The following DCBLD2 variants were observed in gnomAD, a reference collection of about 807,000 sequenced individuals.
DCBLD2 encodes discoidin, CUB and LCCL domain-containing protein 2.
Under a neutral mutation model 86.8 loss-of-function variants are expected in DCBLD2, and 54 were observed. The ratio of observed to expected loss-of-function variants is 0.62; its 90% confidence interval spans 0.50 to 0.78. The LOEUF (loss-of-function observed/expected upper bound fraction) is 0.78, where lower values mean the gene tolerates loss of function less well. Ranked by LOEUF, DCBLD2 falls within the 30% of genes least tolerant of loss-of-function variation. The pLI is 0.00. For synonymous variants in DCBLD2, 354 were observed against 341.3 expected (o/e 1.04, Z -0.41); for missense variants, 908 against 954.2 (o/e 0.95, Z 0.64).
intron 2 of DCBLD2, among the ~76,000 whole-genome samples, chr3:98,862,511 T>C (rs1943062382): frequency 1.3e-5 from 2 of 152,050 alleles, no homozygotes; most frequent in Non-Finnish European, 2.9e-5. Flanking sequence ...CATCAAAAAG[T>C]TTATCCACCA....
rs372560910 is a variant in DCBLD2, at chr3:98,901,312, C to A, written c.15G>T (p.Ala5=). 2.8e-6 allele frequency: 4 copies of A among 1,419,972 alleles called. No individual in the cohort carries two copies. Among genetic ancestry groups the A allele is most frequent in the African/African-American group, 1.5e-5 (1 of 66,232 alleles). 88.0% of individuals were successfully genotyped at this position (1,419,972 alleles called of 1,614,324 possible). Residue 5 remains alanine, a synonymous_variant, in exon 1 of 16, where the codon GCG becomes GCT. Transcript: ENST00000326840. ...GCGGGCAGCGCCTGGCTCTCACCAC[C>A]GCCCGGCTCGCCATCGCGGCGGCCG... is the stretch of plus-strand genomic sequence containing the variant. MASR[A]VVRARRCPQC...
At chr3:98,869,108 G>A (rs891775251) in intron 2 of DCBLD2, among the ~76,000 whole-genome samples, 15 of 151,950 alleles carry the variant, frequency 9.9e-5, no homozygotes, top group Non-Finnish European at 1.6e-4. Flanking sequence ...CCCTGTCTGC[G>A]CCAACATCTA....
rs1480904018 is a variant in DCBLD2 at position 98,901,252 on chromosome 3, G to C, written c.75C>G (p.Pro25=). The change falls in exon 1 of 16, where the codon CCC becomes CCG. Residue 25 remains proline (P), a synonymous_variant. Coordinates refer to ENST00000326840, the MANE Select transcript of DCBLD2 (RefSeq NM_080927.4). ...CPQVRAAAAA[P]AWAALPLSRS... ...GGGAGAGGGGGAGCGCGGCCCAGGC[G>C]GGGGCGGCGGCCGCGGCCCGGACTT... 9 of 1,531,686 alleles carry C rather than the reference G, an allele frequency of 5.9e-6. No homozygotes were observed. The East Asian group carries it at 2.2e-4, about 37-fold the overall frequency. The allele number at this position is 1,531,686 out of a possible 1,614,324, so 94.9% of individuals were successfully genotyped here. A position where few individuals can be genotyped will look rare whatever the true frequency, so the allele number is the denominator to read the frequency against.
At position 98,797,984 on chromosome 3, in the gene DCBLD2, G is replaced by C. The variant is rs1053252120; in HGVS notation, c.*1388C>G. ...CTCATGTCGTCTTGACAGTCTGAAG[G>C]CTTTAAAAGATGGTTTTACATTGTT... On this transcript the variant is annotated 3_prime_UTR_variant, in exon 16 of 16. Transcript: ENST00000326840. 2.0e-5 allele frequency: 3 copies of C among 152,168 alleles called. No individual in the cohort carries two copies. The highest frequency in any genetic ancestry group is 1.3e-4 in the Admixed American group (2 of 15,266). 9.4% of individuals were successfully genotyped at this position (152,168 alleles called of 1,614,324 possible).
At chr3:98,855,080 T>C (rs1401033496) in intron 2 of DCBLD2, among the ~76,000 whole-genome samples, 2 of 152,164 alleles carry the variant, frequency 1.3e-5, no homozygotes, top group Non-Finnish European at 2.9e-5. Flanking sequence ...ATGGAGAAGA[T>C]ACATTTACTA....
chr3:98,848,344 T>C (rs9822185), intron 3 of DCBLD2, among the ~76,000 whole-genome samples: 130 of 152,370 alleles, frequency 8.5e-4, no homozygotes, highest in Non-Finnish European at 1.2e-3. Flanking sequence ...GGTATACATG[T>C]CCAAAACTTT....
intron 2 of DCBLD2, among the ~76,000 whole-genome samples, chr3:98,876,305 T>C (rs969764082): frequency 6.6e-6 from 1 of 151,268 alleles, no homozygotes; most frequent in Non-Finnish European, 1.5e-5. Flanking sequence ...GATGATTGCT[T>C]GAGCCCAGGG....
intron 2 of DCBLD2, among the ~76,000 whole-genome samples, chr3:98,870,737 AAAAGAAAGAAAGAAAGAAAGAAAGAAAG>A (rs199615171): frequency 4.2e-4 from 29 of 69,824 alleles, no homozygotes; most frequent in East Asian, 1.7e-3. Flanking sequence ...AAAAGAAAGA[AAAAGAAAGAAAGAAAGAAAGAAAGAAAG>A]AAAGAAAGAA....
chr3:98,849,385 G>C (rs1302834375), intron 3 of DCBLD2, 76 bp downstream of exon 3: 1 of 1,566,952 alleles, frequency 6.4e-7, no homozygotes, highest in Non-Finnish European at 8.8e-7. Context: ...CAGAAAACAG[G>C]TACTTAAAAA....
At chr3:98,834,714 T>C (rs1036527466) in intron 3 of DCBLD2, among the ~76,000 whole-genome samples, 1 of 151,852 alleles carries the variant, frequency 6.6e-6, no homozygotes, top group African/African-American at 2.4e-5. Flanking sequence ...GATACTTAGA[T>C]TGATTCTATA....
intron 1 of DCBLD2, among the ~76,000 whole-genome samples, chr3:98,884,421 A>G (rs1266803360): frequency 6.6e-6 from 1 of 151,886 alleles, no homozygotes; most frequent in Non-Finnish European, 1.5e-5. Context: ...AAAAAACCAC[A>G]AATTTCCCCT....
intron 1 of DCBLD2, among the ~76,000 whole-genome samples, chr3:98,889,452 G>T (rs1422689291): frequency 6.6e-6 from 1 of 151,946 alleles, no homozygotes; most frequent in Non-Finnish European, 1.5e-5. Context: ...AAAAAAGTGT[G>T]CAGCACATCC....
At chr3:98,899,440 C>T (rs1943810435) in intron 1 of DCBLD2, among the ~76,000 whole-genome samples, 1 of 151,766 alleles carries the variant, frequency 6.6e-6, no homozygotes, top group African/African-American at 2.4e-5. Flanking sequence ...TTAGGAGAGA[C>T]GGGGTTTCAC....
chr3:98,849,736 G>T, intron 2 of DCBLD2, 138 bp from the exon 3 acceptor site: 1 of 964,078 alleles, frequency 1.0e-6, no homozygotes, highest in Non-Finnish European at 1.5e-6. Context: ...AATGTTTAAT[G>T]ATTACCAATC....
chr3:98,838,068 G>C (rs1201821954), intron 3 of DCBLD2, among the ~76,000 whole-genome samples: 15 of 129,008 alleles, frequency 1.2e-4, no homozygotes, highest in African/African-American at 3.7e-4. Context: ...CCTCCCTCCC[G>C]GACGGCACGG....
chr3:98,882,088 G>C (rs1166696384), intron 1 of DCBLD2, among the ~76,000 whole-genome samples: 1 of 152,118 alleles, frequency 6.6e-6, no homozygotes, highest in Non-Finnish European at 1.5e-5. Flanking sequence ...CTCCTATCTA[G>C]CTGTAACTTT....
intron 2 of DCBLD2, among the ~76,000 whole-genome samples, chr3:98,860,281 C>A (rs905064969): frequency 7.2e-5 from 11 of 152,110 alleles, no homozygotes; most frequent in Non-Finnish European, 8.8e-5. Flanking sequence ...GAGAATGGAA[C>A]CAAGTTGGAA....
At chr3:98,899,096 G>T (rs373769718) in intron 1 of DCBLD2, among the ~76,000 whole-genome samples, 1 of 145,964 alleles carries the variant, frequency 6.9e-6, no homozygotes, top group African/African-American at 2.5e-5. Context: ...AAAAAAAAAA[G>T]TCTTTTAATT....
intron 3 of DCBLD2, among the ~76,000 whole-genome samples, chr3:98,834,717 AT>A (rs1332390279): frequency 4.6e-5 from 7 of 151,562 alleles, no homozygotes; most frequent in African/African-American, 1.7e-4. Context: ...ACTTAGATTG[AT>A]TCTATATTTT....
Sources: gnomAD v4.1 joint callset for allele counts (sites outside exome capture counted in the v4.1 genomes callset) on GRCh38, gnomAD v4.1.1 for gene constraint, MANE v1.5 for transcripts, NCBI Gene and HGNC (gene_info 2026-07-23, HGNC 2026-07-21) for gene names.